ZBTB41: variants seen among roughly 807,000 people sequenced by gnomAD.
ZBTB41 encodes zinc finger and BTB domain-containing protein 41.
Under a neutral mutation model 87.6 loss-of-function variants are expected in ZBTB41, and 42 were observed. The ratio of observed to expected loss-of-function variants is 0.48; its 90% CI spans 0.37 to 0.62. ZBTB41 has a LOEUF of 0.62. Among genes scored for constraint, ZBTB41 ranks in the 20% least tolerant of loss-of-function variants. The pLI is 0.00. For missense variants in ZBTB41, 799 were observed against 1,078.9 expected, an observed-to-expected ratio of 0.74 and a Z score of 3.63; for synonymous variants, 364 against 364.0, an observed-to-expected ratio of 1.00 and a Z score of 0.00.
In ZBTB41 at chr1:197,178,515, G is replaced by T; in HGVS notation, c.1677-3C>A. ...TCAAATGTTCTTTCAAAGTAGTTCT[G>T]CATTAAAATATATAGATTCGAGATT... On this transcript the variant is annotated splice_region_variant and splice_polypyrimidine_tract_variant and intron_variant, in intron 6 of 10. Transcript: ENST00000367405. 6.3e-7 allele frequency: 1 copy of T among 1,595,254 alleles called. No individual in the cohort carries two copies. Among genetic ancestry groups the T allele is most frequent in the Non-Finnish European group, 8.5e-7 (1 of 1,170,696 alleles).
In ZBTB41 at chr1:197,182,442, T is replaced by C. The variant is rs141952362; in HGVS notation, c.1547-1325A>G. On this transcript the variant is annotated intron_variant, in intron 5 of 10. Transcript: ENST00000367405. ...TTCCACTTCAGCCTCCCCTCTTTTA[T>C]TTATTTATTTTTTCTATATAGACAG... 6.3e-3 allele frequency among the ~76,000 whole-genome samples: 964 copies of C among 151,914 alleles called. 12 individuals are homozygous for C. Among genetic ancestry groups the C allele is most frequent in the African/African-American group, 0.022 (926 of 41,460 alleles).
chr1:197,159,803 T>C lies in ZBTB41; in HGVS notation c.2286A>G (p.Lys762=). The C allele has an allele frequency of 6.2e-7, 1 of 1,614,002 alleles. No individual in the cohort carries two copies. Among genetic ancestry groups the C allele is most frequent in the African/African-American group, 1.3e-5 (1 of 75,018 alleles). Residue 762 remains lysine, a synonymous_variant, in exon 11 of 11, where the codon AAA becomes AAG. Coordinates refer to ENST00000367405, the MANE Select transcript of ZBTB41 (RefSeq NM_194314.3). ...PDDPLSTSEE[K]LVSLPVEYSS... ...AGTACTCAACTGGCAAGGATACAAGTTTTTCCTCAGAAGTACTGAGAGGAT... is the reference window on the plus strand; with the variant it reads ...AGTACTCAACTGGCAAGGATACAAGCTTTTCCTCAGAAGTACTGAGAGGAT...
chr1:197,178,610 A>G, intron 6 of ZBTB41, 98 bp from the exon 7 acceptor site: 1 of 690,924 alleles, frequency 1.4e-6, no homozygotes, highest in Non-Finnish European at 2.2e-6. Context: ...GCTAACTGAT[A>G]TTATGGCAAT....
At chr1:197,173,353 C>T (rs185134215) in intron 9 of ZBTB41, among the ~76,000 whole-genome samples, 43 of 152,158 alleles carry the variant, frequency 2.8e-4, no homozygotes, top group Admixed American at 1.4e-3. Flanking sequence ...TATAAGACAA[C>T]ATAAAAAGCA....
chr1:197,185,296 G>C (rs1241091218), intron 5 of ZBTB41, among the ~76,000 whole-genome samples: 2 of 151,798 alleles, frequency 1.3e-5, no homozygotes, highest in Non-Finnish European at 2.9e-5. Flanking sequence ...CAAAAGTAAT[G>C]AACTGAACAT....
At chr1:197,161,302 A>G (rs1472399308) in intron 10 of ZBTB41, among the ~76,000 whole-genome samples, 1 of 152,170 alleles carries the variant, frequency 6.6e-6, no homozygotes, top group Non-Finnish European at 1.5e-5. Context: ...ATTATTTTAA[A>G]GCCAAATTAG....
In ZBTB41 at chr1:197,181,100, T is replaced by TA; in HGVS notation, c.1563dup (p.Ile522TyrfsTer7). The TA allele has an allele frequency of 6.3e-7, 1 of 1,588,888 alleles. No homozygotes were observed. Among genetic ancestry groups the TA allele is most frequent in the Non-Finnish European group, 8.5e-7 (1 of 1,174,008 alleles). On this transcript the variant is annotated frameshift_variant, in exon 6 of 11. Coordinates refer to ENST00000367405, the MANE Select transcript of ZBTB41 (RefSeq NM_194314.3). LOFTEE classifies it high-confidence loss of function. Reference sequence around the variant, plus strand: ...GTGTCGTTAAACTGGCGACCACATATATCACATGGAAAAGGACCTAAAAAG... The same window carrying TA: ...GTGTCGTTAAACTGGCGACCACATATAATCACATGGAAAAGGACCTAAAAAG...
intron 2 of ZBTB41, among the ~76,000 whole-genome samples, chr1:197,199,046 C>G (rs115273101): frequency 6.6e-6 from 1 of 152,040 alleles, no homozygotes; most frequent in Non-Finnish European, 1.5e-5. Context: ...TGGAATTAAA[C>G]CGGCATATAA....
At chr1:197,189,016 A>G (rs1339759276) in intron 4 of ZBTB41, among the ~76,000 whole-genome samples, 1 of 152,244 alleles carries the variant, frequency 6.6e-6, no homozygotes, top group Non-Finnish European at 1.5e-5. Flanking sequence ...TCTGTGAGAT[A>G]GATGCAACTG....
chr1:197,162,157 G>C (rs1374511786), intron 10 of ZBTB41, among the ~76,000 whole-genome samples: 1 of 151,768 alleles, frequency 6.6e-6, no homozygotes, highest in Admixed American at 6.6e-5. Flanking sequence ...ATCAATTTAG[G>C]TTTCTAAAAA....
Position 197,159,592 on chromosome 1 carries a change from G to A in ZBTB41, c.2497C>T (p.Pro833Ser). Residue 833 changes from proline (P) to serine (S), a missense_variant, in exon 11 of 11, where the codon CCA becomes TCA. Physicochemically the swap from Pro to Ser is moderately conservative, Grantham distance 74 (BLOSUM62 -1). Transcript: ENST00000367405. ...DLVRHTTTLP[P>S]SSHEILSPQP... Reference sequence around the variant, plus strand: ...GGTGACAGAATCTCATGAGAAGATGGTGGGAGTGTGGTAGTATGACGCACT... The same window carrying A: ...GGTGACAGAATCTCATGAGAAGATGATGGGAGTGTGGTAGTATGACGCACT... The A allele has an allele frequency of 4.3e-6, 7 of 1,613,948 alleles. No individual in the cohort carries two copies. Among genetic ancestry groups the A allele is most frequent in the Non-Finnish European group, 5.9e-6 (7 of 1,179,878 alleles).
rs190061063 is a variant in ZBTB41, at chr1:197,172,122, T to C, written c.2074+38A>G. 4.9e-3 allele frequency: 3,882 copies of C among 792,822 alleles called. 126 individuals carry two copies. The African/African-American group carries it at 0.065, about 13-fold the overall frequency. The allele number at this position is 792,822 out of a possible 1,614,324, so 49.1% of individuals were successfully genotyped here. On this transcript the variant is annotated intron_variant, in intron 10 of 10. Coordinates refer to ENST00000367405, the MANE Select transcript of ZBTB41 (RefSeq NM_194314.3). ...TGATTACACTATATATATCTCTCTCTATATATATATATCTATGAACCACTC... is the reference window on the plus strand; with the variant it reads ...TGATTACACTATATATATCTCTCTCCATATATATATATCTATGAACCACTC...
rs1195129115 is a variant in ZBTB41, at chr1:197,172,220, C to T, written c.2014G>A (p.Val672Ile). The change falls in exon 10 of 11, where the codon GTT becomes ATT. Residue 672 changes from valine (V) to isoleucine (I), a missense_variant. Around this residue, in one of 5 missense-constraint regions of ZBTB41, gnomAD observed 198 missense variants for 358.4 expected, o/e 0.55. Coordinates refer to ENST00000367405, the MANE Select transcript of ZBTB41 (RefSeq NM_194314.3). ...KYKATFHQCDVCKKIFKGKSS... is the reference protein window; with the variant it reads ...KYKATFHQCDICKKIFKGKSS... ...TTGCCTTTAAAAATTTTCTTACAAA[C>T]ATCACATTGATGAAATGTTGCTTTA... 3.5e-6 allele frequency: 5 copies of T among 1,418,904 alleles called. No individual in the cohort carries two copies. The highest frequency in any genetic ancestry group is 2.2e-5 in the Admixed American group (1 of 45,670). 87.9% of individuals were successfully genotyped at this position (1,418,904 alleles called of 1,614,324 possible).
chr1:197,178,105 G>A (rs1413970286), intron 7 of ZBTB41, among the ~76,000 whole-genome samples: 54 of 151,884 alleles, frequency 3.6e-4, no homozygotes, highest in Admixed American at 3.5e-3. Context: ...TGATAGTAAA[G>A]AGTGGAGAAA....
Position 197,176,735 on chromosome 1 carries a change from G to A in ZBTB41, c.1773-65C>T, listed in dbSNP as rs1023941916. 5.3e-6 allele frequency: 6 copies of A among 1,124,498 alleles called. No homozygotes were observed. In the African/African-American group the frequency reaches 9.3e-5, roughly 17 times the overall value. The allele number at this position is 1,124,498 out of a possible 1,614,324, so 69.7% of individuals were successfully genotyped here. A position where few individuals can be genotyped will look rare whatever the true frequency, so the allele number is the denominator to read the frequency against. On this transcript the variant is annotated intron_variant, in intron 7 of 10. Transcript: ENST00000367405. ...ACATAGAAGGAAAAAGCTCAATAAT[G>A]AATAAATGATGAATAAACAATGAAA...
chr1:197,201,017 T>G (rs929485908), intron 1 of ZBTB41, among the ~76,000 whole-genome samples: 1 of 152,014 alleles, frequency 6.6e-6, no homozygotes, highest in Non-Finnish European at 1.5e-5. Flanking sequence ...TCTTCAGGAA[T>G]AGAGAGCGTC....
intron 9 of ZBTB41, among the ~76,000 whole-genome samples, chr1:197,173,157 T>A (rs932860168): frequency 3.3e-5 from 5 of 152,118 alleles, no homozygotes; most frequent in African/African-American, 1.2e-4. Context: ...TCATATGGAA[T>A]GAATACATGG....
Position 197,156,355 on chromosome 1 carries a change from T to A in ZBTB41, c.*3004A>T, listed in dbSNP as rs1557971794. On this transcript the variant is annotated 3_prime_UTR_variant, in exon 11 of 11. Coordinates refer to ENST00000367405, the MANE Select transcript of ZBTB41 (RefSeq NM_194314.3). ...GCATTTAAGTCAAAACCCATTAGAT[T>A]AACACATTCCTGCACTTGATAAATT... The A allele has an allele frequency of 6.6e-6, 1 of 152,232 alleles. No individual in the cohort carries two copies. The highest frequency in any genetic ancestry group is 1.5e-5 in the Non-Finnish European group (1 of 67,752). The allele number at this position is 152,232 out of a possible 1,614,324, so 9.4% of individuals were successfully genotyped here.
chr1:197,189,383 G>A (rs1659967504), intron 4 of ZBTB41, among the ~76,000 whole-genome samples: 1 of 151,974 alleles, frequency 6.6e-6, no homozygotes, highest in Admixed American at 6.6e-5. Flanking sequence ...AAAATTAGTT[G>A]GGCGTGGTAG....
Sources: allele counts gnomAD v4.1 joint callset (sites outside exome capture counted in the v4.1 genomes callset), GRCh38; gene constraint gnomAD v4.1.1; regional missense constraint gnomAD v4.1.1; transcripts MANE v1.5; gene names NCBI Gene and HGNC (gene_info 2026-07-23, HGNC 2026-07-21).